Variants in KATNIP observed in about 807,000 individuals in gnomAD.
The protein encoded by KATNIP is katanin-interacting protein.
KATNIP carries 126 observed loss-of-function variants against 174.0 expected under a neutral mutation model. The observed-to-expected ratio is 0.72, with a 90% CI of 0.63 to 0.84. KATNIP has a LOEUF of 0.84. Ranked by LOEUF, KATNIP falls within the 40% of genes least tolerant of loss-of-function variation. The pLI is 0.00. For missense variants in KATNIP, 1,958 were observed against 2,109.7 expected, an observed-to-expected ratio of 0.93 and a Z score of 1.41; for synonymous variants, 810 against 835.7, an observed-to-expected ratio of 0.97 and a Z score of 0.53.
chr16:27,687,746 C>T (rs1476881366), intron 8 of KATNIP, among the ~76,000 whole-genome samples: 1 of 152,298 alleles, frequency 6.6e-6, no homozygotes, highest in Admixed American at 6.5e-5. Context: ...TATATCTGAA[C>T]CACTTTTCCC....
intron 15 of KATNIP, among the ~76,000 whole-genome samples, chr16:27,747,548 A>G (rs965494969): frequency 2.0e-5 from 3 of 152,204 alleles, no homozygotes; most frequent in Admixed American, 6.5e-5. Context: ...ACATCCTTCC[A>G]GCTTCAGCAC....
chr16:27,572,784 A>G (rs1366363540), intron 1 of KATNIP, among the ~76,000 whole-genome samples: 1 of 152,212 alleles, frequency 6.6e-6, no homozygotes, highest in Non-Finnish European at 1.5e-5. Context: ...GTCTTCTCCC[A>G]TACCATGATA....
At chr16:27,763,925 AG>A (rs1343991672) in intron 19 of KATNIP, among the ~76,000 whole-genome samples, 1 of 152,054 alleles carries the variant, frequency 6.6e-6, no homozygotes, top group Non-Finnish European at 1.5e-5. Context: ...CTGTATTTCT[AG>A]TACATTGTTA....
intron 13 of KATNIP, among the ~76,000 whole-genome samples, chr16:27,712,586 T>C (rs1368372236): frequency 6.6e-6 from 1 of 152,098 alleles, no homozygotes; most frequent in Non-Finnish European, 1.5e-5. Context: ...TGGAAGTGAA[T>C]TGGAGCATTC....
intron 1 of KATNIP, among the ~76,000 whole-genome samples, chr16:27,572,399 A>ACACACACACACAC (rs1555510773): frequency 2.0e-5 from 3 of 151,010 alleles, no homozygotes; most frequent in Non-Finnish European, 3.0e-5. Context: ...ACACACACAC[A>ACACACACACACAC]ATGAAGACAA....
chr16:27,628,828 A>G lies in KATNIP; in HGVS notation c.308A>G (p.His103Arg), dbSNP rs1351762692. 2 of 1,613,936 alleles carry G rather than the reference A, an allele frequency of 1.2e-6. No individual in the cohort carries two copies. Among genetic ancestry groups the G allele is most frequent in the Admixed American group, 1.7e-5 (1 of 59,992 alleles). Residue 103 changes from histidine (H) to arginine (R), a missense_variant and splice_region_variant, in exon 4 of 28, where the codon CAC becomes CGC. Coordinates refer to ENST00000261588, the MANE Select transcript of KATNIP (RefSeq NM_015202.5). Reference sequence around the variant, plus strand: ...AGTGCCTCCCACACGGAGGGGACACACGGTGAGCACAGGCCCTCCAGGCTG... The same window carrying G: ...AGTGCCTCCCACACGGAGGGGACACGCGGTGAGCACAGGCCCTCCAGGCTG... Reference protein sequence around the residue: ...SRSASHTEGTHDYGRRTLFRE... With the variant: ...SRSASHTEGTRDYGRRTLFRE...
intron 6 of KATNIP, among the ~76,000 whole-genome samples, chr16:27,655,536 C>T (rs988535507): frequency 2.0e-5 from 3 of 151,842 alleles, no homozygotes; most frequent in Non-Finnish European, 4.4e-5. Flanking sequence ...AGGCATGAGC[C>T]GCTGCGCCTG....
chr16:27,552,595 A>C (rs1286035410), intron 1 of KATNIP, among the ~76,000 whole-genome samples: 1 of 151,274 alleles, frequency 6.6e-6, no homozygotes, highest in Non-Finnish European at 1.5e-5. Context: ...AGCTGGTCGC[A>C]AACTCCTGAC....
intron 20 of KATNIP, among the ~76,000 whole-genome samples, chr16:27,769,440 G>A (rs564173271): frequency 6.6e-6 from 1 of 152,338 alleles, no homozygotes; most frequent in African/African-American, 2.4e-5. Flanking sequence ...ACTTTACGTA[G>A]GTTAACTCAT....
chr16:27,574,558 CTTTTTTTTTTTT>C (rs10708223), intron 2 of KATNIP, among the ~76,000 whole-genome samples: 6 of 53,490 alleles, frequency 1.1e-4, no homozygotes, highest in Non-Finnish European at 1.6e-4. Flanking sequence ...ACTTTCTATT[CTTTTTTTTTTTT>C]TTTTTTTTTT....
rs1567327962 is a variant in KATNIP at position 27,708,307 on chromosome 16, G to A, written c.1390-398G>A. The A allele has an allele frequency of 2.5e-5, 4 of 162,556 alleles. No individual in the cohort carries two copies. The South Asian group carries it at 7.1e-4, about 29-fold the overall frequency. The allele number at this position is 162,556 out of a possible 1,614,324, so 10.1% of individuals were successfully genotyped here. A position where few individuals can be genotyped will look rare whatever the true frequency, so the allele number is the denominator to read the frequency against. On this transcript the variant is annotated intron_variant, in intron 12 of 27. Coordinates refer to ENST00000261588, the MANE Select transcript of KATNIP (RefSeq NM_015202.5). ...CAAAGTGTTGGGATTACAGGCGTGAGCCACCGTGCCCGGCCTTAGCACGTA... is the reference window on the plus strand; with the variant it reads ...CAAAGTGTTGGGATTACAGGCGTGAACCACCGTGCCCGGCCTTAGCACGTA...
chr16:27,567,121 C>T (rs964083927), intron 1 of KATNIP, among the ~76,000 whole-genome samples: 1 of 152,200 alleles, frequency 6.6e-6, no homozygotes, highest in Non-Finnish European at 1.5e-5. Context: ...ATTGTGTTCT[C>T]TTTCCAGCAA....
At chr16:27,663,152 C>CTTTTTTTTTTTT (rs11440523) in intron 6 of KATNIP, among the ~76,000 whole-genome samples, 55 of 80,046 alleles carry the variant, frequency 6.9e-4, no homozygotes, top group Non-Finnish European at 8.7e-4. Flanking sequence ...TTTTCTTCTT[C>CTTTTTTTTTTTT]TTTTTTTTTT....
chr16:27,775,469 G>A (rs1305103805), intron 24 of KATNIP, among the ~76,000 whole-genome samples: 1 of 152,212 alleles, frequency 6.6e-6, no homozygotes, highest in African/African-American at 2.4e-5. Flanking sequence ...CACACTCACG[G>A]TTTCTGCCCC....
At chr16:27,708,297 A>G (rs963504763) in intron 12 of KATNIP, 10 of 159,400 alleles carry the variant, frequency 6.3e-5, no homozygotes, top group African/African-American at 2.4e-4. Flanking sequence ...TGTTGGGATT[A>G]CAGGCGTGAG....
intron 3 of KATNIP, among the ~76,000 whole-genome samples, chr16:27,622,414 G>T (rs2142091591): frequency 6.6e-6 from 1 of 152,232 alleles, no homozygotes; most frequent in African/African-American, 2.4e-5. Flanking sequence ...AGTGATTCTT[G>T]TCACTCAACC....
chr16:27,702,780 C>T (rs1024662308), intron 11 of KATNIP, among the ~76,000 whole-genome samples: 4 of 152,204 alleles, frequency 2.6e-5, no homozygotes, highest in Admixed American at 6.5e-5. Flanking sequence ...CTAAAGGCAG[C>T]GCCATCCATT....
At chr16:27,591,189 CTTT>C (rs943005312) in intron 2 of KATNIP, among the ~76,000 whole-genome samples, 2 of 144,204 alleles carry the variant, frequency 1.4e-5, no homozygotes, top group Non-Finnish European at 1.5e-5. Flanking sequence ...CACTTTCTTT[CTTT>C]TTTTTTTTTT....
At chr16:27,571,692 T>C (rs576093740) in intron 1 of KATNIP, among the ~76,000 whole-genome samples, 1 of 152,336 alleles carries the variant, frequency 6.6e-6, no homozygotes, top group Admixed American at 6.5e-5. Context: ...GCCTCTGCAC[T>C]ACTCCTGCTG....
Sources: gnomAD v4.1 joint callset for allele counts (sites outside exome capture counted in the v4.1 genomes callset) on GRCh38, gnomAD v4.1.1 for gene constraint, MANE v1.5 for transcripts, NCBI Gene and HGNC (gene_info 2026-07-23, HGNC 2026-07-21) for gene names.